The following ROBO2 variants were observed in gnomAD, a reference collection of about 807,000 sequenced individuals.
ROBO2 encodes the protein roundabout homolog 2.
A neutral mutation model predicts 160.8 loss-of-function variants in ROBO2; 53 were observed. The ratio of observed to expected loss-of-function variants is 0.33; its 90% CI spans 0.26 to 0.41. The LOEUF is 0.41. Among genes scored for constraint, ROBO2 ranks in the 10% least tolerant of loss-of-function variants. ROBO2 has a pLI of 1.00. For synonymous variants in ROBO2, 664 were observed against 611.7 expected (o/e 1.09, Z -1.26); for missense variants, 1,577 against 1,722.4 (o/e 0.92, Z 1.49).
At chr3:76,759,145 A>G (rs182730549) in intron 2 of ROBO2, among the ~76,000 whole-genome samples, 33 of 151,910 alleles carry the variant, frequency 2.2e-4, no homozygotes, top group African/African-American at 7.9e-4. Flanking sequence ...ATATTTTTTC[A>G]TCTTGCAAAT....
chr3:77,470,816 G>T (rs937068567), intron 2 of ROBO2, among the ~76,000 whole-genome samples: 1 of 152,112 alleles, frequency 6.6e-6, no homozygotes, highest in African/African-American at 2.4e-5. Context: ...TCGGGCTAGA[G>T]GTCGGTCTTC....
At chr3:76,356,900 C>A (rs962499538) in intron 2 of ROBO2, among the ~76,000 whole-genome samples, 2 of 151,816 alleles carry the variant, frequency 1.3e-5, no homozygotes, top group Non-Finnish European at 2.9e-5. Context: ...TTGAAACATA[C>A]AGAATCTATC....
intron 2 of ROBO2, among the ~76,000 whole-genome samples, chr3:77,291,740 G>C (rs1356660765): frequency 6.6e-6 from 1 of 151,750 alleles, no homozygotes; most frequent in Non-Finnish European, 1.5e-5. Context: ...AAACGGGTAA[G>C]CTGAGGCTAG....
At chr3:76,082,229 G>A (rs1244110469) in intron 2 of ROBO2, among the ~76,000 whole-genome samples, 1 of 152,170 alleles carries the variant, frequency 6.6e-6, no homozygotes, top group Non-Finnish European at 1.5e-5. Flanking sequence ...GTTACTACCA[G>A]AAATTAGGGA....
intron 2 of ROBO2, among the ~76,000 whole-genome samples, chr3:76,420,571 C>A (rs1191876878): frequency 6.6e-6 from 1 of 152,140 alleles, no homozygotes; most frequent in African/African-American, 2.4e-5. Flanking sequence ...AATAAGTAAA[C>A]TAATACAGAT....
intron 2 of ROBO2, among the ~76,000 whole-genome samples, chr3:76,787,537 C>G (rs1196977207): frequency 6.6e-6 from 1 of 151,288 alleles, no homozygotes; most frequent in African/African-American, 2.4e-5. Flanking sequence ...CCTACAAATG[C>G]TAAAGGGAAT....
At chr3:76,595,345 T>C (rs1353193362) in intron 2 of ROBO2, among the ~76,000 whole-genome samples, 6 of 152,038 alleles carry the variant, frequency 3.9e-5, no homozygotes, top group Admixed American at 1.3e-4. Flanking sequence ...GATGTATGCA[T>C]ATAAAATGGG....
chr3:76,411,713 G>C (rs1281619400), intron 2 of ROBO2, among the ~76,000 whole-genome samples: 1 of 152,094 alleles, frequency 6.6e-6, no homozygotes. Context: ...TAGCATAAAT[G>C]CTGGCATGCA....
At chr3:77,560,413 A>G (rs1434857992) in intron 9 of ROBO2, among the ~76,000 whole-genome samples, 3 of 152,164 alleles carry the variant, frequency 2.0e-5, no homozygotes, top group Admixed American at 6.6e-5. Flanking sequence ...GATGATGGTA[A>G]TACCAAGAGT....
chr3:76,023,956 C>A (rs571700431), intron 2 of ROBO2, among the ~76,000 whole-genome samples: 1 of 151,332 alleles, frequency 6.6e-6, no homozygotes, highest in Admixed American at 6.6e-5. Flanking sequence ...ATGCCATAAC[C>A]CACGATCTTA....
intron 2 of ROBO2, among the ~76,000 whole-genome samples, chr3:77,216,120 C>G (rs1198607128): frequency 1.3e-5 from 2 of 152,166 alleles, no homozygotes; most frequent in Non-Finnish European, 2.9e-5. Flanking sequence ...CAGACAGGGA[C>G]ATTTAAGTCT....
At chr3:77,043,902 A>C (rs2064351173) in intron 1 of ROBO2, among the ~76,000 whole-genome samples, 1 of 152,156 alleles carries the variant, frequency 6.6e-6, no homozygotes, top group Admixed American at 6.5e-5. Context: ...TAGTAAAGAT[A>C]ATGTATGTGC....
Position 76,254,297 on chromosome 3 carries a change from C to A in ROBO2, c.109+316695C>A, listed in dbSNP as rs149294124. On this transcript the variant is annotated intron_variant, in intron 2 of 26. Coordinates refer to the ROBO2 transcript ENST00000487694. ...AGTTGAGTGACTATGAGGACCATCA[C>A]ATCCATAGATAAGACTATTAATTGT... Among the ~76,000 whole-genome samples the A allele has an allele frequency of 3.3e-5, 5 of 152,198 alleles. No homozygotes were observed. The East Asian group carries it at 9.7e-4, about 29-fold the overall frequency.
intron 2 of ROBO2, among the ~76,000 whole-genome samples, chr3:76,489,084 C>CAAAAAAA (rs67454494): frequency 1.7e-5 from 1 of 60,144 alleles, no homozygotes; most frequent in African/African-American, 5.4e-5. Flanking sequence ...GACTCTGTCT[C>CAAAAAAA]AAAAAAAAAA....
intron 2 of ROBO2, among the ~76,000 whole-genome samples, chr3:77,423,640 C>A (rs749393742): frequency 1.3e-5 from 2 of 152,120 alleles, no homozygotes; most frequent in Non-Finnish European, 2.9e-5. Flanking sequence ...TATGGTCTCA[C>A]CTGGAACACT....
chr3:76,651,973 C>A (rs529839957), intron 2 of ROBO2, among the ~76,000 whole-genome samples: 37 of 152,248 alleles, frequency 2.4e-4, no homozygotes, highest in African/African-American at 8.7e-4. Flanking sequence ...GTTCTGATAC[C>A]TTTGTCTTAC....
At chr3:76,004,918 A>G (rs975424025) in intron 2 of ROBO2, among the ~76,000 whole-genome samples, 6 of 152,192 alleles carry the variant, frequency 3.9e-5, no homozygotes, top group Non-Finnish European at 8.8e-5. Context: ...ATGTGTTGAA[A>G]CATCATCCAA....
At chr3:76,215,482 A>G (rs1171081680) in intron 2 of ROBO2, among the ~76,000 whole-genome samples, 2 of 152,244 alleles carry the variant, frequency 1.3e-5, no homozygotes, top group South Asian at 4.1e-4. Flanking sequence ...GATGGAGCTA[A>G]AAATCAGGGC....
chr3:76,296,181 G>A (rs1177283619), intron 2 of ROBO2, among the ~76,000 whole-genome samples: 1 of 152,024 alleles, frequency 6.6e-6, no homozygotes, highest in African/African-American at 2.4e-5. Flanking sequence ...GTGGAGTAAT[G>A]TGGCCACAAG....
Sources: gnomAD v4.1 joint callset for allele counts (sites outside exome capture counted in the v4.1 genomes callset) on GRCh38, gnomAD v4.1.1 for gene constraint, MANE v1.5 for transcripts, NCBI Gene and HGNC (gene_info 2026-07-23, HGNC 2026-07-21) for gene names.